The following CTNNA3 variants were observed in gnomAD, a reference collection of about 807,000 sequenced individuals.
CTNNA3 encodes catenin alpha 3.
In CTNNA3, 76 loss-of-function variants were observed where a neutral mutation model predicts 95.7. The observed-to-expected ratio is 0.79, with a 90% CI of 0.66 to 0.96. The LOEUF is 0.96. Among genes scored for constraint, CTNNA3 ranks in the 40% least tolerant of loss-of-function variants. CTNNA3 has a pLI of 0.00. For synonymous variants in CTNNA3, 431 were observed against 374.4 expected (o/e 1.15, Z -1.74); for missense variants, 1,191 against 1,089.8 (o/e 1.09, Z -1.31).
chr10:67,259,923 G>A (rs2132386627), intron 5 of CTNNA3, among the ~76,000 whole-genome samples: 1 of 152,232 alleles, frequency 6.6e-6, no homozygotes, highest in East Asian at 1.9e-4. Flanking sequence ...CCTAGGGCAT[G>A]TAGTTTCATC....
intron 13 of CTNNA3, among the ~76,000 whole-genome samples, chr10:66,253,083 A>G (rs2090623731): frequency 6.6e-6 from 1 of 152,208 alleles, no homozygotes; most frequent in African/African-American, 2.4e-5. Flanking sequence ...TGCTGTCTAA[A>G]GAGCAACATG....
Position 66,087,396 on chromosome 10 carries a change from T to C in CTNNA3, c.1977+15761A>G, listed in dbSNP as rs560758012. On this transcript the variant is annotated intron_variant, in intron 14 of 17. Coordinates refer to ENST00000433211, the MANE Select transcript of CTNNA3 (RefSeq NM_013266.4). ...CGCGAGACAACAAACTTTGGCTGTTTCCCCAGACAATGATGGTGCTTCATT... is the reference window on the plus strand; with the variant it reads ...CGCGAGACAACAAACTTTGGCTGTTCCCCCAGACAATGATGGTGCTTCATT... 3.9e-5 allele frequency among the ~76,000 whole-genome samples: 6 copies of C among 152,236 alleles called. No individual in the cohort carries two copies. In the East Asian group the frequency reaches 1.2e-3, roughly 29 times the overall value.
intron 3 of CTNNA3, among the ~76,000 whole-genome samples, chr10:67,558,274 T>G (rs1020433852): frequency 2.6e-5 from 4 of 152,222 alleles, no homozygotes; most frequent in Admixed American, 2.0e-4. Flanking sequence ...GGAGCTGGAA[T>G]AGGTCAAGTG....
intron 7 of CTNNA3, among the ~76,000 whole-genome samples, chr10:66,811,097 T>A (rs1473287436): frequency 6.6e-6 from 1 of 152,190 alleles, no homozygotes; most frequent in Non-Finnish European, 1.5e-5. Flanking sequence ...AAGTCAACAG[T>A]AAGTTCACAG....
At chr10:66,983,507 G>A (rs930711208) in intron 7 of CTNNA3, among the ~76,000 whole-genome samples, 41 of 152,122 alleles carry the variant, frequency 2.7e-4, no homozygotes, top group African/African-American at 9.7e-4. Flanking sequence ...TTGTGATTGT[G>A]GTTCTTAATA....
intron 7 of CTNNA3, among the ~76,000 whole-genome samples, chr10:67,133,136 T>C (rs1346759666): frequency 2.0e-5 from 3 of 151,376 alleles, no homozygotes; most frequent in African/African-American, 4.9e-5. Context: ...ATACCCTAAC[T>C]TGATCATGAC....
chr10:67,723,991 C>T (rs1020873167), intron 1 of CTNNA3, among the ~76,000 whole-genome samples: 1 of 152,084 alleles, frequency 6.6e-6, no homozygotes, highest in African/African-American at 2.4e-5. Context: ...TCCAGTAGAC[C>T]TTTAGGTAGA....
chr10:66,464,304 C>T (rs1035650464), intron 11 of CTNNA3, among the ~76,000 whole-genome samples: 1 of 152,056 alleles, frequency 6.6e-6, no homozygotes, highest in Non-Finnish European at 1.5e-5. Context: ...ACTCTTCCTC[C>T]TGCTAGGTTT....
chr10:67,562,557 C>A (rs1461581318), intron 3 of CTNNA3, among the ~76,000 whole-genome samples: 1 of 152,208 alleles, frequency 6.6e-6, no homozygotes, highest in East Asian at 1.9e-4. Flanking sequence ...ACACTGGAAG[C>A]ATTCCCTTTG....
chr10:67,044,414 T>A (rs1854599432), intron 7 of CTNNA3, among the ~76,000 whole-genome samples: 1 of 151,936 alleles, frequency 6.6e-6, no homozygotes, highest in South Asian at 2.1e-4. Flanking sequence ...TTGTCAAAAA[T>A]TAATAAAAAC....
intron 13 of CTNNA3, among the ~76,000 whole-genome samples, chr10:66,148,110 T>C (rs1176738371): frequency 1.3e-5 from 2 of 152,084 alleles, no homozygotes; most frequent in African/African-American, 4.8e-5. Context: ...TGTAATTTAC[T>C]TTTCCATTTT....
chr10:67,455,372 A>G (rs983097558), intron 5 of CTNNA3, among the ~76,000 whole-genome samples: 1 of 152,178 alleles, frequency 6.6e-6, no homozygotes, highest in Non-Finnish European at 1.5e-5. Context: ...TTGTTGGGAT[A>G]CCGAAGAATT....
rs549060617 is a variant in CTNNA3 at position 66,861,615 on chromosome 10, A to T, written c.1048-86091T>A. 1.2e-4 allele frequency among the ~76,000 whole-genome samples: 18 copies of T among 152,330 alleles called. No individual in the cohort carries two copies. The South Asian group carries it at 3.7e-3, about 32-fold the overall frequency. ...GGATACATATTGTAAAAATTCATAAATTATGTGATAATCATACAACCCTAC... is the reference window on the plus strand; with the variant it reads ...GGATACATATTGTAAAAATTCATAATTTATGTGATAATCATACAACCCTAC... On this transcript the variant is annotated intron_variant, in intron 7 of 17. Coordinates refer to ENST00000433211, the MANE Select transcript of CTNNA3 (RefSeq NM_013266.4).
rs138845080 is a variant in CTNNA3 at position 66,658,180 on chromosome 10, C to T, written c.1282-36396G>A. Among the ~76,000 whole-genome samples the T allele has an allele frequency of 6.3e-3, 957 of 152,084 alleles. 12 individuals carry two copies. Among genetic ancestry groups the T allele is most frequent in the African/African-American group, 0.021 (882 of 41,510 alleles). ...TTGTCTGGGAGACCTGGGCTTGAGT[C>T]TGATTTCCATCACTTGTCAATGACT... On this transcript the variant is annotated intron_variant, in intron 9 of 17. Coordinates refer to ENST00000433211, the MANE Select transcript of CTNNA3 (RefSeq NM_013266.4).
At chr10:66,769,927 A>T (rs933873228) in intron 8 of CTNNA3, among the ~76,000 whole-genome samples, 5 of 152,190 alleles carry the variant, frequency 3.3e-5, no homozygotes, top group Non-Finnish European at 5.9e-5. Flanking sequence ...GACCTGCACT[A>T]AGGTCCTAGT....
At chr10:67,446,067 C>T (rs769564934) in intron 5 of CTNNA3, among the ~76,000 whole-genome samples, 14 of 152,074 alleles carry the variant, frequency 9.2e-5, no homozygotes, top group African/African-American at 1.4e-4. Context: ...TCAACAAACG[C>T]GAGATACAGT....
chr10:67,206,661 A>T (rs75680424), intron 6 of CTNNA3, among the ~76,000 whole-genome samples: 1 of 123,312 alleles, frequency 8.1e-6, no homozygotes, highest in Non-Finnish European at 1.7e-5. Flanking sequence ...AAAGACCTTC[A>T]AAAAAAAAAA....
At chr10:65,934,466 T>A (rs2077305326) in intron 17 of CTNNA3, among the ~76,000 whole-genome samples, 1 of 152,162 alleles carries the variant, frequency 6.6e-6, no homozygotes, top group African/African-American at 2.4e-5. Context: ...GCATGACTAG[T>A]CCATTTGCTG....
chr10:65,974,209 C>T (rs1184807469), intron 16 of CTNNA3, among the ~76,000 whole-genome samples: 4 of 152,110 alleles, frequency 2.6e-5, no homozygotes, highest in Non-Finnish European at 4.4e-5. Context: ...TAAAACATAA[C>T]TAACATTTGA....
Sources: gnomAD v4.1 joint callset for allele counts (sites outside exome capture counted in the v4.1 genomes callset) on GRCh38, gnomAD v4.1.1 for gene constraint, MANE v1.5 for transcripts, NCBI Gene and HGNC (gene_info 2026-07-23, HGNC 2026-07-21) for gene names.